The following MAP2 variants were observed in gnomAD, a reference collection of about 807,000 sequenced individuals.
The protein encoded by MAP2 is microtubule associated protein 2, also known as microtubule-associated protein 2.
MAP2 carries 14 observed loss-of-function variants against 137.6 expected under a neutral mutation model. The observed-to-expected ratio is 0.10, with a 90% CI of 0.07 to 0.16. The LOEUF (loss-of-function observed/expected upper bound fraction) is 0.16. Ranked by LOEUF, MAP2 falls within the 10% of genes least tolerant of loss-of-function variation. The pLI is 1.00. For synonymous variants in MAP2, 786 were observed against 782.3 expected (o/e 1.00, Z -0.08); for missense variants, 2,088 against 2,191.5 (o/e 0.95, Z 0.94).
chr2:209,517,391 T>C (rs1240405469), intron 2 of MAP2, among the ~76,000 whole-genome samples: 1 of 152,088 alleles, frequency 6.6e-6, no homozygotes, highest in Non-Finnish European at 1.5e-5. Context: ...ACAAGAAAAC[T>C]TTTAGAAATA....
At chr2:209,703,212 AGTAT>A (rs1330065207) in intron 11 of MAP2, among the ~76,000 whole-genome samples, 2 of 152,178 alleles carry the variant, frequency 1.3e-5, no homozygotes, top group Admixed American at 6.6e-5. Context: ...CTTAATCCAC[AGTAT>A]GTGTTTCACT....
chr2:209,666,083 T>A (rs947643820), intron 5 of MAP2, among the ~76,000 whole-genome samples: 1 of 152,228 alleles, frequency 6.6e-6, no homozygotes, highest in African/African-American at 2.4e-5. Flanking sequence ...TATGTCTTTC[T>A]TTAAAAATTG....
chr2:209,566,437 A>C (rs1272470964), intron 2 of MAP2, among the ~76,000 whole-genome samples: 1 of 152,164 alleles, frequency 6.6e-6, no homozygotes, highest in Non-Finnish European at 1.5e-5. Context: ...ATTGAGTAAG[A>C]TCTTTCAAGT....
intron 7 of MAP2, among the ~76,000 whole-genome samples, chr2:209,689,489 CTA>C (rs2058199263): frequency 6.6e-6 from 1 of 152,116 alleles, no homozygotes; most frequent in Non-Finnish European, 1.5e-5. Context: ...ATATTTCTCT[CTA>C]ATTCCTTAAG....
chr2:209,676,474 A>C (rs932273539), intron 5 of MAP2, among the ~76,000 whole-genome samples: 1 of 151,584 alleles, frequency 6.6e-6, no homozygotes, highest in African/African-American at 2.4e-5. Context: ...TAATCTGTAC[A>C]ACAAGCCCCC....
chr2:209,520,554 A>G (rs2063133896), intron 2 of MAP2, among the ~76,000 whole-genome samples: 1 of 152,072 alleles, frequency 6.6e-6, no homozygotes, highest in Non-Finnish European at 1.5e-5. Flanking sequence ...TCTTTCCAGC[A>G]GAAATATTAT....
chr2:209,497,101 T>C (rs2059840059), intron 1 of MAP2, among the ~76,000 whole-genome samples: 1 of 152,170 alleles, frequency 6.6e-6, no homozygotes, highest in Non-Finnish European at 1.5e-5. Flanking sequence ...AAATTCTGTA[T>C]GGACTGTAAA....
At chr2:209,511,510 C>T (rs1353133503) in intron 2 of MAP2, among the ~76,000 whole-genome samples, 2 of 152,072 alleles carry the variant, frequency 1.3e-5, no homozygotes, top group African/African-American at 2.4e-5. Context: ...TTGAAGCACC[C>T]GAGTTTGAAA....
Position 209,710,140 on chromosome 2 carries a change from T to G in MAP2, c.4959T>G (p.Ser1653=). 1.2e-6 allele frequency: 2 copies of G among 1,613,846 alleles called. No individual in the cohort carries two copies. The highest frequency in any genetic ancestry group is 1.7e-6 in the Non-Finnish European group (2 of 1,179,972). ...CCATCATACGTACTCCTCCAAAATC[T>G]CCTGCGACTCCCAAGCAGCTTCGGC... The part of the protein sequence containing the change: ...KVAIIRTPPK[S]PATPKQLRLI... Residue 1653 remains serine, a synonymous_variant, in exon 13 of 16, where the codon TCT becomes TCG. Coordinates refer to ENST00000682079, the MANE Select transcript of MAP2 (RefSeq NM_001375505.1).
chr2:209,687,753 C>T (rs1056158043), intron 7 of MAP2, among the ~76,000 whole-genome samples: 1 of 152,180 alleles, frequency 6.6e-6, no homozygotes, highest in Non-Finnish European at 1.5e-5. Flanking sequence ...GTCCTCTACA[C>T]AGGTTCCCCA....
chr2:209,725,713 A>G lies in MAP2; in HGVS notation c.5078A>G (p.Gln1693Arg). 1.3e-6 allele frequency: 2 copies of G among 1,599,178 alleles called. No individual in the cohort carries two copies. The highest frequency in any genetic ancestry group is 1.7e-6 in the Non-Finnish European group (2 of 1,173,298). Residue 1693 changes from glutamine (Q) to arginine (R), a missense_variant, in exon 14 of 16, where the codon CAA (glutamine) becomes CGA (arginine). Gln to Arg is a conservative substitution (Grantham distance 43, BLOSUM62 1). Around this residue, in one of 6 missense-constraint regions of MAP2, gnomAD observed 112 missense variants for 201.0 expected, o/e 0.56. Transcript: ENST00000682079. ...IKYQPKGGQV[Q>R]IVTKKIDLSH... ...TGTTTTATGTGGTTCACATAGGTACAAATTGTTACCAAGAAAATAGACCTA... is the reference window on the plus strand; with the variant it reads ...TGTTTTATGTGGTTCACATAGGTACGAATTGTTACCAAGAAAATAGACCTA...
At chr2:209,516,282 A>G (rs2062486891) in intron 2 of MAP2, among the ~76,000 whole-genome samples, 1 of 94,140 alleles carries the variant, frequency 1.1e-5, no homozygotes. Flanking sequence ...AGAATGATAA[A>G]GAGAGTGGGC....
chr2:209,720,181 A>C (rs1329132490), intron 13 of MAP2, among the ~76,000 whole-genome samples: 2 of 152,214 alleles, frequency 1.3e-5, no homozygotes, highest in Non-Finnish European at 2.9e-5. Context: ...GTATTTAATA[A>C]GAAATAGGGT....
intron 7 of MAP2, chr2:209,690,454 A>T: frequency 2.2e-6 from 1 of 452,860 alleles, no homozygotes; most frequent in Non-Finnish European, 3.6e-6. Flanking sequence ...TTAGAATATT[A>T]ATTTGTTCAT....
At chr2:209,692,588 C>T (rs2059229210) in intron 7 of MAP2, 37 bp from the exon 8 acceptor site, 1 of 1,522,864 alleles carries the variant, frequency 6.6e-7, no homozygotes, top group African/African-American at 1.4e-5. Flanking sequence ...AACGCACTTG[C>T]CTATTATTTG....
chr2:209,434,902 A>C (rs1695464090), intron 1 of MAP2, among the ~76,000 whole-genome samples: 1 of 140,410 alleles, frequency 7.1e-6, no homozygotes, highest in African/African-American at 2.7e-5. Flanking sequence ...TATGTTATAT[A>C]TATATGTTAT....
intron 3 of MAP2, among the ~76,000 whole-genome samples, chr2:209,592,795 T>C (rs1434403461): frequency 6.6e-6 from 1 of 152,122 alleles, no homozygotes; most frequent in African/African-American, 2.4e-5. Context: ...CTATTTTTAA[T>C]GATATCTTTT....
At chr2:209,675,809 A>G (rs1311305162) in intron 5 of MAP2, among the ~76,000 whole-genome samples, 1 of 151,876 alleles carries the variant, frequency 6.6e-6, no homozygotes, top group Non-Finnish European at 1.5e-5. Flanking sequence ...GAATACATAT[A>G]AAACACTCTC....
intron 7 of MAP2, among the ~76,000 whole-genome samples, chr2:209,691,241 G>A (rs1293653041): frequency 4.6e-5 from 7 of 150,798 alleles, no homozygotes; most frequent in East Asian, 2.0e-4. Context: ...ATTTCAAATC[G>A]TACAGTTGGA....
Sources: gnomAD v4.1 joint callset for allele counts (sites outside exome capture counted in the v4.1 genomes callset) on GRCh38, gnomAD v4.1.1 for gene constraint, gnomAD v4.1.1 regional missense constraint, MANE v1.5 for transcripts, NCBI Gene and HGNC (gene_info 2026-07-23, HGNC 2026-07-21) for gene names.